Variants in NUGGC observed in about 807,000 individuals in gnomAD.
NUGGC encodes nuclear GTPase SLIP-GC.
Under a neutral mutation model 92.6 loss-of-function variants are expected in NUGGC, and 58 were observed. That is an observed-to-expected ratio of 0.63 (90% CI 0.51 to 0.78). NUGGC has a LOEUF of 0.78. Among genes scored for constraint, NUGGC ranks in the 30% least tolerant of loss-of-function variants. The probability of loss-of-function intolerance (pLI) is 0.00; values close to 1 mark genes in which losing one functional copy is unlikely to be tolerated. For synonymous variants in NUGGC, 376 were observed against 366.4 expected (o/e 1.03, Z -0.30); for missense variants, 925 against 964.6 (o/e 0.96, Z 0.54).
chr8:28,034,804 C>T lies in NUGGC; in HGVS notation c.1612-1107G>A, dbSNP rs138795972. On this transcript the variant is annotated intron_variant, in intron 13 of 18. Transcript: ENST00000413272. The stretch of plus-strand genomic sequence containing the variant: ...TGCACTCCAGCCTGGGCAACAAGAG[C>T]GAAACTCCAACTCAAAAAAAAAGGT... 2.7e-3 allele frequency among the ~76,000 whole-genome samples: 417 copies of T among 151,790 alleles called. 9 individuals are homozygous for T. Among genetic ancestry groups the T allele is most frequent in the African/African-American group, 9.7e-3 (400 of 41,358 alleles).
chr8:28,064,788 C>T lies in NUGGC; in HGVS notation c.712-57G>A, dbSNP rs751059494. On this transcript the variant is annotated intron_variant, in intron 6 of 18. Transcript: ENST00000413272. ...GCCATGCACCCAGCTCTGTTCACCC[C>T]GGTTGGCTGTGATGCAGGTTCATGG... 6.8e-6 allele frequency: 10 copies of T among 1,476,194 alleles called. No homozygotes were observed. In the Admixed American group the frequency reaches 8.6e-5, roughly 13 times the overall value. The allele number at this position is 1,476,194 out of a possible 1,614,324, so 91.4% of individuals were successfully genotyped here. A position where few individuals can be genotyped will look rare whatever the true frequency, so the allele number is the denominator to read the frequency against.
Position 28,048,025 on chromosome 8 carries a change from A to G in NUGGC, c.1207-413T>C, listed in dbSNP as rs145215885. On this transcript the variant is annotated intron_variant, in intron 10 of 18. Transcript: ENST00000413272. Reference sequence around the variant, plus strand: ...AGCCAACAGCACACATCACTTTCCTACTCTGCATTCAGTGACGTCACACTG... The same window carrying G: ...AGCCAACAGCACACATCACTTTCCTGCTCTGCATTCAGTGACGTCACACTG... Among the ~76,000 whole-genome samples, 434 of 152,290 alleles carry G rather than the reference A, an allele frequency of 2.8e-3. 2 individuals carry two copies. The highest frequency in any genetic ancestry group is 0.01 in the African/African-American group (425 of 41,554).
intron 10 of NUGGC, among the ~76,000 whole-genome samples, chr8:28,048,469 T>C (rs1294379616): frequency 1.3e-5 from 2 of 152,170 alleles, no homozygotes; most frequent in African/African-American, 4.8e-5. Flanking sequence ...TTGTTAAACA[T>C]TTACAAGCGC....
intron 18 of NUGGC, 97 bp downstream of exon 18, chr8:28,026,865 A>C (rs1809276347): frequency 1.2e-6 from 1 of 851,598 alleles, no homozygotes; most frequent in Non-Finnish European, 2.0e-6. Flanking sequence ...TTAAATTCCT[A>C]AAATTTAAAG....
At chr8:28,046,896 T>C (rs1809851570) in intron 11 of NUGGC, among the ~76,000 whole-genome samples, 1 of 152,020 alleles carries the variant, frequency 6.6e-6, no homozygotes, top group Non-Finnish European at 1.5e-5. Context: ...CTTGAACTCC[T>C]GACCTTAGGG....
intron 1 of NUGGC, among the ~76,000 whole-genome samples, chr8:28,077,900 G>A (rs185147628): frequency 6.6e-6 from 1 of 152,298 alleles, no homozygotes; most frequent in African/African-American, 2.4e-5. Flanking sequence ...GGATTAAAGG[G>A]CACAAAATCA....
At chr8:28,024,744 C>T (rs1261960658) in intron 18 of NUGGC, among the ~76,000 whole-genome samples, 1 of 152,098 alleles carries the variant, frequency 6.6e-6, no homozygotes, top group Admixed American at 6.5e-5. Flanking sequence ...TTGTTCTGTC[C>T]CATATCTGGA....
chr8:28,058,240 A>T lies in NUGGC; in HGVS notation c.1116+18T>A, dbSNP rs1312993435. 1.1e-5 allele frequency: 5 copies of T among 460,638 alleles called. No individual in the cohort carries two copies. The highest frequency in any genetic ancestry group is 4.1e-5 in the African/African-American group (2 of 48,568). 28.5% of individuals were successfully genotyped at this position (460,638 alleles called of 1,614,324 possible). On this transcript the variant is annotated intron_variant, in intron 9 of 18. Coordinates refer to ENST00000413272, the MANE Select transcript of NUGGC (RefSeq NM_001010906.2). ...AATAATTTAAAAATAAAAATAAAAA[A>T]AACTAGTTCATACTTACATTTCCTG...
In NUGGC at chr8:28,023,214, G is replaced by A; in HGVS notation, c.*103C>T. The A allele has an allele frequency of 3.0e-6, 4 of 1,317,386 alleles. No individual in the cohort carries two copies. The South Asian group carries it at 5.9e-5, about 19-fold the overall frequency. The allele number at this position is 1,317,386 out of a possible 1,614,324, so 81.6% of individuals were successfully genotyped here. ...GATGGTGCCACTGCACTCCAGCCTG[G>A]GCAACAGAGGTAGATAGATCTTGTC... On this transcript the variant is annotated 3_prime_UTR_variant, in exon 19 of 19. Coordinates refer to ENST00000413272, the MANE Select transcript of NUGGC (RefSeq NM_001010906.2).
Position 28,030,297 on chromosome 8 carries a change from C to T in NUGGC, c.2017+13G>A, listed in dbSNP as rs1304719582. 6.9e-7 allele frequency: 1 copy of T among 1,450,484 alleles called. No individual in the cohort carries two copies. The highest frequency in any genetic ancestry group is 9.5e-7 in the Non-Finnish European group (1 of 1,051,268). 89.9% of individuals were successfully genotyped at this position (1,450,484 alleles called of 1,614,324 possible). On this transcript the variant is annotated intron_variant, in intron 16 of 18. Transcript: ENST00000413272. ...CCAGAGCAGGCAGAAATGCTGTCCTCCGCAGCCCCCACCTTCGTAACAGAG... is the reference window on the plus strand; with the variant it reads ...CCAGAGCAGGCAGAAATGCTGTCCTTCGCAGCCCCCACCTTCGTAACAGAG...
intron 11 of NUGGC, among the ~76,000 whole-genome samples, chr8:28,046,457 C>T (rs954788624): frequency 2.6e-5 from 4 of 152,110 alleles, no homozygotes; most frequent in South Asian, 2.1e-4. Context: ...CTAGGTTCCC[C>T]GGGCTTCTAT....
chr8:28,072,554 A>T (rs1320772615), intron 2 of NUGGC, among the ~76,000 whole-genome samples: 3 of 152,054 alleles, frequency 2.0e-5, no homozygotes, highest in African/African-American at 7.2e-5. Flanking sequence ...CCACACATCC[A>T]GGGCCCTTAT....
Position 28,069,177 on chromosome 8 carries a change from G to T in NUGGC, c.257+367C>A, listed in dbSNP as rs146550906. 4.1e-3 allele frequency among the ~76,000 whole-genome samples: 627 copies of T among 152,246 alleles called. 3 individuals are homozygous for T. Among genetic ancestry groups the T allele is most frequent in the African/African-American group, 0.015 (607 of 41,556 alleles). On this transcript the variant is annotated intron_variant, in intron 4 of 18. Transcript: ENST00000413272. Reference sequence around the variant, plus strand: ...AGTCAGCAGAGGACAAATAATTGGGGACATGAGCTCAGAGTCACACAGCCT... The same window carrying T: ...AGTCAGCAGAGGACAAATAATTGGGTACATGAGCTCAGAGTCACACAGCCT...
In NUGGC at chr8:28,083,831, A is replaced by G. The variant is rs1388965752; in HGVS notation, c.-103T>C. 2 of 151,902 alleles carry G rather than the reference A, an allele frequency of 1.3e-5. No homozygotes were observed. Among genetic ancestry groups the G allele is most frequent in the Non-Finnish European group, 2.9e-5 (2 of 67,984 alleles). 9.4% of individuals were successfully genotyped at this position (151,902 alleles called of 1,614,324 possible). On this transcript the variant is annotated 5_prime_UTR_variant, in exon 1 of 19. Coordinates refer to ENST00000413272, the MANE Select transcript of NUGGC (RefSeq NM_001010906.2). Reference sequence around the variant, plus strand: ...AGTTCTGGTTTGGTTACAGGAGTCCACAGAGGAGATGGTGGCAGCTTCTCC... The same window carrying G: ...AGTTCTGGTTTGGTTACAGGAGTCCGCAGAGGAGATGGTGGCAGCTTCTCC...
At chr8:28,079,932 TTTTG>T (rs10689963) in intron 1 of NUGGC, among the ~76,000 whole-genome samples, 87 of 150,950 alleles carry the variant, frequency 5.8e-4, no homozygotes, top group African/African-American at 1.8e-3. Flanking sequence ...TTCTTTGTTT[TTTTG>T]TTTGTTTGTT....
chr8:28,077,794 GAGCCGGATAA>G (rs1428650245), intron 1 of NUGGC, among the ~76,000 whole-genome samples: 1 of 152,168 alleles, frequency 6.6e-6, no homozygotes, highest in African/African-American at 2.4e-5. Context: ...GGAAACAGTG[GAGCCGGATAA>G]AGTACAAAAG....
At chr8:28,024,568 G>A (rs190741298) in intron 18 of NUGGC, among the ~76,000 whole-genome samples, 17 of 152,274 alleles carry the variant, frequency 1.1e-4, no homozygotes, top group East Asian at 1.9e-4. Flanking sequence ...TCTGGAGGAC[G>A]CTGACTAATT....
chr8:28,030,531 G>A, intron 15 of NUGGC, 113 bp from the exon 16 acceptor site: 1 of 670,960 alleles, frequency 1.5e-6, no homozygotes, highest in Non-Finnish European at 2.7e-6. Flanking sequence ...ATGATGCCCA[G>A]TTGTTTGTCT....
At chr8:28,083,331 T>C (rs980025050) in intron 1 of NUGGC, among the ~76,000 whole-genome samples, 11 of 152,208 alleles carry the variant, frequency 7.2e-5, no homozygotes, top group Non-Finnish European at 1.2e-4. Context: ...AGTCTAATAA[T>C]GAGAAAAACA....
Sources: gnomAD v4.1 joint callset for allele counts (sites outside exome capture counted in the v4.1 genomes callset) on GRCh38, gnomAD v4.1.1 for gene constraint, MANE v1.5 for transcripts, NCBI Gene and HGNC (gene_info 2026-07-23, HGNC 2026-07-21) for gene names.